Variants in BRINP2 observed in about 807,000 individuals in gnomAD.
The protein encoded by BRINP2 is BMP/retinoic acid inducible neural specific 2.
BRINP2 carries 21 observed loss-of-function variants against 69.2 expected under a neutral mutation model. The ratio of observed to expected loss-of-function variants is 0.30; its 90% CI spans 0.22 to 0.44. The LOEUF is 0.44. Among genes scored for constraint, BRINP2 ranks in the 20% least tolerant of loss-of-function variants. BRINP2 has a pLI of 1.00. For synonymous variants in BRINP2, 380 were observed against 394.1 expected, an observed-to-expected ratio of 0.96 and a Z score of 0.42; for missense variants, 877 against 986.0, an observed-to-expected ratio of 0.89 and a Z score of 1.48.
intron 1 of BRINP2, among the ~76,000 whole-genome samples, chr1:177,200,965 C>T (rs1648892921): frequency 6.6e-6 from 1 of 152,110 alleles, no homozygotes; most frequent in African/African-American, 2.4e-5. Context: ...ACCGTATGTT[C>T]TCACTTATAA....
In BRINP2 at chr1:177,280,718, A is replaced by C; in HGVS notation, c.1542A>C (p.Leu514=). 1 of 1,614,210 alleles carries C rather than the reference A, an allele frequency of 6.2e-7. No individual in the cohort carries two copies. The change falls in exon 8 of 8, where the codon CTA becomes CTC. Residue 514 remains leucine, a synonymous_variant. Coordinates refer to ENST00000361539, the MANE Select transcript of BRINP2 (RefSeq NM_021165.4). The part of the protein sequence containing the change: ...GLETDLQDLE[L]KYLLQKQDSR... Reference sequence around the variant, plus strand: ...AGACAGACTTGCAGGACCTGGAGCTAAAGTACCTGCTGCAGAAGCAGGATA... The same window carrying C: ...AGACAGACTTGCAGGACCTGGAGCTCAAGTACCTGCTGCAGAAGCAGGATA...
chr1:177,173,990 A>G (rs999957597), intron 1 of BRINP2, among the ~76,000 whole-genome samples: 1 of 152,182 alleles, frequency 6.6e-6, no homozygotes, highest in African/African-American at 2.4e-5. Context: ...CCTTGTATAC[A>G]TTTTATAATG....
At chr1:177,261,796 T>G (rs1650963293) in intron 4 of BRINP2, among the ~76,000 whole-genome samples, 1 of 152,032 alleles carries the variant, frequency 6.6e-6, no homozygotes, top group Non-Finnish European at 1.5e-5. Flanking sequence ...ACTCTAATAT[T>G]CAGAAATGGG....
chr1:177,249,150 G>A (rs1470551105), intron 2 of BRINP2, among the ~76,000 whole-genome samples: 2 of 152,116 alleles, frequency 1.3e-5, no homozygotes, highest in Non-Finnish European at 2.9e-5. Context: ...CGGTATGCTT[G>A]GCTGATTTAA....
intron 4 of BRINP2, among the ~76,000 whole-genome samples, chr1:177,272,857 G>A (rs1427057206): frequency 6.6e-6 from 1 of 152,146 alleles, no homozygotes; most frequent in African/African-American, 2.4e-5. Context: ...AAACTGATGG[G>A]CCAACTTTAT....
chr1:177,267,112 A>G (rs973419934), intron 4 of BRINP2, among the ~76,000 whole-genome samples: 13 of 152,316 alleles, frequency 8.5e-5, no homozygotes, highest in Middle Eastern at 3.4e-3. Flanking sequence ...TGTGTATGCA[A>G]GTACATATAA....
intron 7 of BRINP2, among the ~76,000 whole-genome samples, chr1:177,279,359 T>C (rs1040284720): frequency 6.6e-6 from 1 of 152,168 alleles, no homozygotes; most frequent in Non-Finnish European, 1.5e-5. Context: ...AACAGAAACA[T>C]AAAAACTAGA....
intron 5 of BRINP2, among the ~76,000 whole-genome samples, chr1:177,274,197 T>C (rs751992657): frequency 3.9e-5 from 6 of 152,194 alleles, no homozygotes; most frequent in Non-Finnish European, 7.4e-5. Flanking sequence ...CTGTGAAAGA[T>C]AAAGGAAAGA....
chr1:177,183,712 G>A (rs574215034), intron 1 of BRINP2, among the ~76,000 whole-genome samples: 1 of 152,290 alleles, frequency 6.6e-6, no homozygotes, highest in East Asian at 1.9e-4. Context: ...GGTGTGGATG[G>A]TGCAAAGGAT....
chr1:177,234,271 G>T (rs1053370757), intron 2 of BRINP2, among the ~76,000 whole-genome samples: 8 of 152,146 alleles, frequency 5.3e-5, no homozygotes, highest in South Asian at 4.1e-4. Context: ...GGTCAGAGAG[G>T]TAGCCAGTCA....
intron 2 of BRINP2, among the ~76,000 whole-genome samples, chr1:177,248,806 G>C (rs11577869): frequency 1.3e-5 from 2 of 151,968 alleles, no homozygotes; most frequent in Non-Finnish European, 2.9e-5. Context: ...AGCTTGAGTC[G>C]GAGGCAGCAC....
chr1:177,213,888 A>C (rs1388274621), intron 1 of BRINP2, among the ~76,000 whole-genome samples: 1 of 152,212 alleles, frequency 6.6e-6, no homozygotes, highest in Non-Finnish European at 1.5e-5. Flanking sequence ...ATGAGTAGAT[A>C]TTTTTTTAAC....
Position 177,229,816 on chromosome 1 carries a change from G to A in BRINP2, c.-61G>A. 4 of 1,514,734 alleles carry A rather than the reference G, an allele frequency of 2.6e-6. No individual in the cohort carries two copies. The highest frequency in any genetic ancestry group is 3.5e-6 in the Non-Finnish European group (4 of 1,128,388). 93.8% of individuals were successfully genotyped at this position (1,514,734 alleles called of 1,614,324 possible). ...ACTTTTCCAGCTCCGAGCCCTGGAG[G>A]AGCAGCACGGAGCGGGAGAGCGTGG... On this transcript the variant is annotated 5_prime_UTR_variant, in exon 2 of 8. Coordinates refer to ENST00000361539, the MANE Select transcript of BRINP2 (RefSeq NM_021165.4).
At chr1:177,174,450 A>G (rs1648027721) in intron 1 of BRINP2, among the ~76,000 whole-genome samples, 1 of 152,246 alleles carries the variant, frequency 6.6e-6, no homozygotes, top group Non-Finnish European at 1.5e-5. Context: ...CTAGGCTCCC[A>G]TCTGACAAAA....
intron 2 of BRINP2, among the ~76,000 whole-genome samples, chr1:177,240,320 TCTTG>T (rs949979618): frequency 6.6e-6 from 1 of 152,200 alleles, no homozygotes; most frequent in Non-Finnish European, 1.5e-5. Flanking sequence ...TAAGCCAGCC[TCTTG>T]CTTGGCTGGT....
At chr1:177,248,721 G>A (rs1650477211) in intron 2 of BRINP2, among the ~76,000 whole-genome samples, 1 of 152,094 alleles carries the variant, frequency 6.6e-6, no homozygotes, top group East Asian at 1.9e-4. Flanking sequence ...CCCTGCAGGG[G>A]GATTCTTGCT....
intron 4 of BRINP2, among the ~76,000 whole-genome samples, chr1:177,264,202 G>A (rs1189890741): frequency 6.6e-6 from 1 of 152,142 alleles, no homozygotes; most frequent in African/African-American, 2.4e-5. Flanking sequence ...CCTGTTCCTT[G>A]ACCTGACCAA....
At chr1:177,220,298 T>C (rs1286909971) in intron 1 of BRINP2, among the ~76,000 whole-genome samples, 1 of 152,134 alleles carries the variant, frequency 6.6e-6, no homozygotes, top group Admixed American at 6.5e-5. Context: ...GAAATCCCCA[T>C]TGTAGGTAGG....
At chr1:177,280,363 G>C in intron 7 of BRINP2, 49 bp from the exon 8 acceptor site, 1 of 1,521,704 alleles carries the variant, frequency 6.6e-7, no homozygotes, top group Non-Finnish European at 8.9e-7. Context: ...AAGGGTGTCA[G>C]TGTGTGACTT....
Sources: allele counts gnomAD v4.1 joint callset (sites outside exome capture counted in the v4.1 genomes callset), GRCh38; gene constraint gnomAD v4.1.1; transcripts MANE v1.5; gene names NCBI Gene and HGNC (gene_info 2026-07-23, HGNC 2026-07-21).